CDKAL1: variants seen among roughly 807,000 people sequenced by gnomAD.
CDKAL1 encodes threonylcarbamoyladenosine tRNA methylthiotransferase.
CDKAL1 carries 32 observed loss-of-function variants against 68.2 expected under a neutral mutation model. The ratio of observed to expected loss-of-function variants is 0.47; its 90% CI spans 0.35 to 0.63. CDKAL1 has a LOEUF of 0.63. Among genes scored for constraint, CDKAL1 ranks in the 30% least tolerant of loss-of-function variants. The pLI is 0.00. For missense variants in CDKAL1, 606 were observed against 696.7 expected, an observed-to-expected ratio of 0.87 and a Z score of 1.47; for synonymous variants, 234 against 244.3, an observed-to-expected ratio of 0.96 and a Z score of 0.39.
At chr6:21,167,052 C>A (rs939063186) in intron 13 of CDKAL1, among the ~76,000 whole-genome samples, 7 of 152,140 alleles carry the variant, frequency 4.6e-5, no homozygotes, top group South Asian at 2.1e-4. Flanking sequence ...AAATAGTTGT[C>A]ATGAGGAACA....
intron 4 of CDKAL1, among the ~76,000 whole-genome samples, chr6:20,585,958 C>A (rs1287202129): frequency 1.3e-5 from 2 of 152,036 alleles, no homozygotes; most frequent in Non-Finnish European, 2.9e-5. Context: ...CTACTAATCT[C>A]CCCCACAAAT....
intron 4 of CDKAL1, among the ~76,000 whole-genome samples, chr6:20,563,132 C>T (rs1187555750): frequency 6.6e-6 from 1 of 152,094 alleles, no homozygotes; most frequent in Admixed American, 6.6e-5. Context: ...TTCAAGTCTG[C>T]TGTGTAAAGA....
chr6:21,163,408 C>T (rs538516955), intron 13 of CDKAL1, among the ~76,000 whole-genome samples: 2 of 152,108 alleles, frequency 1.3e-5, no homozygotes, highest in South Asian at 4.1e-4. Context: ...TTGGGGCCAC[C>T]GGCAGAACCC....
In CDKAL1 at chr6:20,841,208, T is replaced by C. The variant is rs370530093; in HGVS notation, c.639-4867T>C. ...TGAAAAACAAATCATGATTAAATTA[T>C]GTGAGTGGAATGGAAAGTGGAGGCT... is the stretch of plus-strand genomic sequence containing the variant. On this transcript the variant is annotated intron_variant, in intron 8 of 15. Coordinates refer to ENST00000274695, the MANE Select transcript of CDKAL1 (RefSeq NM_017774.3). Among the ~76,000 whole-genome samples the C allele has an allele frequency of 2.0e-4, 31 of 152,286 alleles. 1 individual carries two copies. The highest frequency in any genetic ancestry group is 6.7e-4 in the African/African-American group (28 of 41,566).
At chr6:21,217,533 T>G (rs1024384322) in intron 15 of CDKAL1, among the ~76,000 whole-genome samples, 2 of 151,972 alleles carry the variant, frequency 1.3e-5, no homozygotes, top group Non-Finnish European at 2.9e-5. Context: ...AGTATCACTC[T>G]GTCCCCCAGG....
intron 9 of CDKAL1, among the ~76,000 whole-genome samples, chr6:20,885,958 A>T (rs758964587): frequency 6.6e-6 from 1 of 152,058 alleles, no homozygotes; most frequent in Admixed American, 6.5e-5. Flanking sequence ...AAATCGCTTG[A>T]ACCAGGAGGG....
At chr6:20,766,149 T>C (rs1489061882) in intron 7 of CDKAL1, among the ~76,000 whole-genome samples, 6 of 152,236 alleles carry the variant, frequency 3.9e-5, no homozygotes, top group African/African-American at 1.4e-4. Flanking sequence ...TAAATTTAAT[T>C]ATACAGCTTT....
intron 5 of CDKAL1, among the ~76,000 whole-genome samples, chr6:20,698,151 T>A (rs760865014): frequency 6.6e-6 from 1 of 152,194 alleles, no homozygotes; most frequent in Admixed American, 6.5e-5. Flanking sequence ...TGTATTGCAG[T>A]GTGTCTGTCT....
At chr6:20,556,809 G>A (rs1348110217) in intron 4 of CDKAL1, among the ~76,000 whole-genome samples, 2 of 151,850 alleles carry the variant, frequency 1.3e-5, no homozygotes, top group African/African-American at 2.4e-5. Context: ...AGGCTGAGGC[G>A]GGCAGATCAT....
rs141408045 is a variant in CDKAL1, at chr6:20,558,881, G to A, written c.286+10176G>A. On this transcript the variant is annotated intron_variant, in intron 4 of 15. Coordinates refer to ENST00000274695, the MANE Select transcript of CDKAL1 (RefSeq NM_017774.3). ...TGAGCTCAACCAATCCACCTGCCTCGGCCTCCCAAAGTGCTGGGATTACAG... is the reference window on the plus strand; with the variant it reads ...TGAGCTCAACCAATCCACCTGCCTCAGCCTCCCAAAGTGCTGGGATTACAG... The A allele has an allele frequency of 2.0e-3, 593 of 298,042 alleles. 5 individuals are homozygous for A. Among genetic ancestry groups the A allele is most frequent in the African/African-American group, 0.012 (564 of 45,626 alleles). 18.5% of individuals were successfully genotyped at this position (298,042 alleles called of 1,614,324 possible).
At chr6:20,754,877 T>G (rs577955230) in intron 6 of CDKAL1, among the ~76,000 whole-genome samples, 3 of 152,330 alleles carry the variant, frequency 2.0e-5, no homozygotes, top group South Asian at 4.1e-4. Flanking sequence ...CAGTGTCTAA[T>G]CTAAGGTTCA....
At chr6:21,229,525 C>T (rs1779874873) in intron 15 of CDKAL1, among the ~76,000 whole-genome samples, 1 of 152,140 alleles carries the variant, frequency 6.6e-6, no homozygotes, top group Non-Finnish European at 1.5e-5. Flanking sequence ...CAAACAGAAG[C>T]CAAAGAGGTA....
At chr6:20,705,901 TG>T (rs1170688966) in intron 5 of CDKAL1, among the ~76,000 whole-genome samples, 1 of 152,222 alleles carries the variant, frequency 6.6e-6, no homozygotes, top group Non-Finnish European at 1.5e-5. Context: ...GTGGTGGGTC[TG>T]GTAGTATGTG....
At chr6:20,854,889 A>G (rs1205973926) in intron 9 of CDKAL1, among the ~76,000 whole-genome samples, 1 of 152,250 alleles carries the variant, frequency 6.6e-6, no homozygotes, top group African/African-American at 2.4e-5. Context: ...TAGAAAGTCC[A>G]AAACTTGGTG....
intron 8 of CDKAL1, among the ~76,000 whole-genome samples, chr6:20,844,473 A>C (rs928138156): frequency 1.3e-5 from 2 of 152,098 alleles, no homozygotes; most frequent in African/African-American, 4.8e-5. Context: ...CAGGCTACTT[A>C]TCTGATTTTT....
intron 5 of CDKAL1, among the ~76,000 whole-genome samples, chr6:20,666,427 G>A (rs528446294): frequency 4.0e-5 from 6 of 151,534 alleles, no homozygotes; most frequent in Non-Finnish European, 8.8e-5. Flanking sequence ...TCTGCCCCTT[G>A]ATTTAGCAGT....
chr6:20,810,391 G>GACACACAC (rs1776748980), intron 8 of CDKAL1, among the ~76,000 whole-genome samples: 1 of 33,590 alleles, frequency 3.0e-5, no homozygotes, highest in South Asian at 1.1e-3. Context: ...CTCTCTCTCT[G>GACACACAC]TCACACACAC....
At chr6:20,558,308 A>T (rs1479300967) in intron 4 of CDKAL1, among the ~76,000 whole-genome samples, 1 of 152,044 alleles carries the variant, frequency 6.6e-6, no homozygotes, top group African/African-American at 2.4e-5. Context: ...TAGGAGGGGG[A>T]GATGGAAATC....
intron 15 of CDKAL1, among the ~76,000 whole-genome samples, chr6:21,218,039 AT>A (rs1402453988): frequency 1.3e-5 from 2 of 152,146 alleles, no homozygotes; most frequent in African/African-American, 4.8e-5. Context: ...AACTTTGTAT[AT>A]TTTTGTGATT....
Sources: allele counts gnomAD v4.1 joint callset (sites outside exome capture counted in the v4.1 genomes callset), GRCh38; gene constraint gnomAD v4.1.1; transcripts MANE v1.5; gene names NCBI Gene and HGNC (gene_info 2026-07-23, HGNC 2026-07-21).